WIZ: variants seen among roughly 807,000 people sequenced by gnomAD.
WIZ encodes the protein protein Wiz.
A neutral mutation model predicts 140.2 loss-of-function variants in WIZ; 25 were observed. The observed-to-expected ratio is 0.18, with a 90% CI of 0.13 to 0.25. WIZ has a LOEUF of 0.25. Among genes scored for constraint, WIZ ranks in the 10% least tolerant of loss-of-function variants. The probability of loss-of-function intolerance (pLI) is 1.00; values close to 1 mark genes in which losing one functional copy is unlikely to be tolerated. For synonymous variants in WIZ, 1,125 were observed against 1,154.3 expected (o/e 0.97, Z 0.51); for missense variants, 2,231 against 2,632.6 (o/e 0.85, Z 3.34).
At chr19:15,430,805 G>A (rs1033458623) in intron 6 of WIZ, among the ~76,000 whole-genome samples, 3 of 152,218 alleles carry the variant, frequency 2.0e-5, no homozygotes, top group Admixed American at 6.5e-5. Context: ...CCCTCGCCCC[G>A]TGAGGGTGCA....
chr19:15,447,172 G>A (rs1207912264), intron 2 of WIZ, among the ~76,000 whole-genome samples: 1 of 152,162 alleles, frequency 6.6e-6, no homozygotes, highest in Non-Finnish European at 1.5e-5. Flanking sequence ...TTTGGAGATG[G>A]GGGTGGGGGG....
Position 15,424,450 on chromosome 19 carries a change from T to C in WIZ, c.5315-72A>G, listed in dbSNP as rs1968585540. On this transcript the variant is annotated intron_variant, in intron 11 of 12. Coordinates refer to ENST00000673675, the MANE Select transcript of WIZ (RefSeq NM_001371589.1). The surrounding 1 kb of genome is among the most constrained non-coding windows in gnomAD (Gnocchi z 9.7). ...GCAGAGACTTGGAATACACAAGAGC[T>C]GAGGACTGATGCTACCTGGATGGGT... 1.9e-6 allele frequency: 3 copies of C among 1,552,130 alleles called. No individual in the cohort carries two copies. In the South Asian group the frequency reaches 3.5e-5, roughly 18 times the overall value.
At position 15,436,898 on chromosome 19, in the gene WIZ, C is replaced by A; in HGVS notation, c.2648G>T (p.Gly883Val). The A allele has an allele frequency of 4.3e-6, 7 of 1,612,734 alleles. No individual in the cohort carries two copies. The highest frequency in any genetic ancestry group is 5.9e-6 in the Non-Finnish European group (7 of 1,179,488). Residue 883 changes from glycine to valine, a missense_variant, in exon 5 of 13, where the codon GGC becomes GTC. By Grantham distance (109) the Gly-to-Val change is moderately radical. Around this residue, in one of 15 missense-constraint regions of WIZ, gnomAD observed 137 missense variants for 135.8 expected, o/e 1.01. Transcript: ENST00000673675. ...PLGREPGGPP[G>V]SFLTSRRPRL... ...GGGCCGACGGGAGGTCAGGAAGCTG[C>A]CAGGCGGACCCCCAGGCTCTCGGCC...
chr19:15,431,298 T>G, intron 5 of WIZ, 116 bp from the exon 6 acceptor site: 2 of 1,295,294 alleles, frequency 1.5e-6, no homozygotes, highest in Non-Finnish European at 2.0e-6. Context: ...GCGAAGCGAC[T>G]CACCCCAGGA....
intron 4 of WIZ, among the ~76,000 whole-genome samples, chr19:15,437,767 C>T (rs1969570554): frequency 6.6e-6 from 1 of 152,232 alleles, no homozygotes. Context: ...CATGATCACG[C>T]AAGTGCTGTA....
chr19:15,439,038 C>G lies in WIZ; in HGVS notation c.1956G>C (p.Gln652His). The G allele has an allele frequency of 6.7e-7, 1 of 1,498,384 alleles. No homozygotes were observed. Among genetic ancestry groups the G allele is most frequent in the Non-Finnish European group, 8.9e-7 (1 of 1,128,010 alleles). The allele number at this position is 1,498,384 out of a possible 1,614,324, so 92.8% of individuals were successfully genotyped here. The change falls in exon 4 of 13, where the codon CAG (glutamine) becomes CAC (histidine). Residue 652 changes from glutamine to histidine, a missense_variant. By Grantham distance (24) the Gln-to-His change is conservative (BLOSUM62 0). Transcript: ENST00000673675. The surrounding 1 kb of genome is among the most constrained non-coding windows in gnomAD (Gnocchi z 7.0). ...ATGCCTGCTTCAGCTCCAGGGCCGC[C>G]TGCGGGATGAGGCTGGGGGTGGCTA... ...SPLATPSLIP[Q>H]AALELKQAFR... is the part of the protein sequence containing the mutation.
At chr19:15,438,525 G>A in intron 4 of WIZ, 53 bp downstream of exon 4, 1 of 1,443,752 alleles carries the variant, frequency 6.9e-7, no homozygotes, top group Non-Finnish European at 9.1e-7. Context: ...TAGATCAACG[G>A]TGGGTTGCCC....
intron 2 of WIZ, among the ~76,000 whole-genome samples, chr19:15,443,666 T>C (rs1969820513): frequency 6.6e-6 from 1 of 152,208 alleles, no homozygotes; most frequent in African/African-American, 2.4e-5. Context: ...CACCTGGCTC[T>C]TTCTTGGGAT....
chr19:15,429,463 A>G (rs980207977), intron 7 of WIZ, 123 bp downstream of exon 7: 9 of 1,102,932 alleles, frequency 8.2e-6, no homozygotes, highest in African/African-American at 8.1e-5. Context: ...GGCCCAGGAC[A>G]TGGGAGCTGT....
At chr19:15,441,896 CT>C in intron 3 of WIZ, among the ~76,000 whole-genome samples, 1 of 152,060 alleles carries the variant, frequency 6.6e-6, no homozygotes, top group African/African-American at 2.4e-5. Context: ...GATAAACTTA[CT>C]ATGACCTGGC....
chr19:15,437,129 A>G lies in WIZ; in HGVS notation c.2417T>C (p.Val806Ala). The change falls in exon 5 of 13, where the codon GTG (valine) becomes GCG (alanine). Residue 806 changes from valine to alanine, a missense_variant and splice_region_variant. Physicochemically the swap from Val to Ala is moderately conservative, Grantham distance 64 (BLOSUM62 0). This residue lies in a region of WIZ where 118 missense variants were observed against 209.1 expected (regional missense o/e 0.56). Coordinates refer to ENST00000673675, the MANE Select transcript of WIZ (RefSeq NM_001371589.1). ...RFSFQKKKKK[V>A]ANFDPGTFSL... ...GAAGGTGCCTGGGTCAAAGTTGGCC[A>G]CTGTGGAGAGAGGACAGGACTGCCT... 1.3e-6 allele frequency: 2 copies of G among 1,592,318 alleles called. No homozygotes were observed. Among genetic ancestry groups the G allele is most frequent in the Non-Finnish European group, 8.5e-7 (1 of 1,170,116 alleles).
intron 5 of WIZ, chr19:15,432,507 C>CGGTGGCGGTGGT (rs1969320821): frequency 1.6e-6 from 1 of 640,074 alleles, no homozygotes; most frequent in Non-Finnish European, 1.9e-6. Flanking sequence ...GCGGCGGTGG[C>CGGTGGCGGTGGT]GGTGGCGGTG....
In WIZ at chr19:15,424,649, C is replaced by T. The variant is rs199936473; in HGVS notation, c.5278G>A (p.Val1760Met). 9.4e-4 allele frequency: 1,492 copies of T among 1,591,876 alleles called. 2 individuals are homozygous for T. Among genetic ancestry groups the T allele is most frequent in the Non-Finnish European group, 9.6e-4 (1,136 of 1,177,768 alleles). Residue 1760 changes from valine (V) to methionine (M), a missense_variant, in exon 11 of 13, where the codon GTG becomes ATG. Transcript: ENST00000673675. The surrounding 1 kb of genome is among the most constrained non-coding windows in gnomAD (Gnocchi z 9.7). ...RPLAASPPGT[V>M]KAEEHQRQNI... ...TGCCGCTGGTGCTCCTCAGCCTTCA[C>T]GGTGCCTGGCGGGCTGGCTGCCAGA...
In WIZ at chr19:15,440,853, G is replaced by T; in HGVS notation, c.279-138C>A. 1 of 818,354 alleles carries T rather than the reference G, an allele frequency of 1.2e-6. No individual in the cohort carries two copies. Among genetic ancestry groups the T allele is most frequent in the Non-Finnish European group, 1.9e-6 (1 of 540,264 alleles). The allele number at this position is 818,354 out of a possible 1,614,324, so 50.7% of individuals were successfully genotyped here. A position where few individuals can be genotyped will look rare whatever the true frequency, so the allele number is the denominator to read the frequency against. ...GAGGGTGACAGGGGTGTGGGGGTGA[G>T]GGTGGGAGGTAGGGGGAGTCCACGT... On this transcript the variant is annotated intron_variant, in intron 3 of 12. Coordinates refer to ENST00000673675, the MANE Select transcript of WIZ (RefSeq NM_001371589.1). This position sits in a 1 kb window ranked among gnomAD's most constrained non-coding sequence, Gnocchi z 6.2.
rs1230796934 is a variant in WIZ at position 15,428,117 on chromosome 19, G to A, written c.3807C>T (p.Leu1269=). 6.5e-7 allele frequency: 1 copy of A among 1,534,000 alleles called. No homozygotes were observed. Among genetic ancestry groups the A allele is most frequent in the Non-Finnish European group, 8.7e-7 (1 of 1,146,752 alleles). The stretch of plus-strand genomic sequence containing the variant: ...GCTGAAGCGAGAACCTACAGAGGTT[G>A]AGAGGAGACGGCTCCACATCAGAGG... The part of the protein sequence containing the change: ...FWASDVEPSP[L]NLSSGPEPAR... Residue 1269 remains leucine, a synonymous_variant, in exon 8 of 13, where the codon CTC becomes CTT. Transcript: ENST00000673675. The surrounding 1 kb of genome is among the most constrained non-coding windows in gnomAD (Gnocchi z 6.4).
chr19:15,425,647 C>G lies in WIZ; in HGVS notation c.4488G>C (p.Trp1496Cys). 1 of 1,613,626 alleles carries G rather than the reference C, an allele frequency of 6.2e-7. No individual in the cohort carries two copies. The highest frequency in any genetic ancestry group is 8.5e-7 in the Non-Finnish European group (1 of 1,179,954). ...TGTCGATGGGCGAACCATTGACGGA[C>G]CACTCGGTCACACCCATCTGCCGCA... ...SHLRQMGVTE[W>C]SVNGSPIDTL... Residue 1496 changes from tryptophan (W) to cysteine (C), a missense_variant, in exon 10 of 13, where the codon TGG (tryptophan) becomes TGC (cysteine). Coordinates refer to ENST00000673675, the MANE Select transcript of WIZ (RefSeq NM_001371589.1).
chr19:15,443,723 G>A (rs1969822014), intron 2 of WIZ, among the ~76,000 whole-genome samples: 1 of 152,208 alleles, frequency 6.6e-6, no homozygotes, highest in African/African-American at 2.4e-5. Context: ...AGTAGACCAG[G>A]TACTTTGTCG....
At position 15,424,777 on chromosome 19, in the gene WIZ, G is replaced by T; in HGVS notation, c.5150C>A (p.Pro1717Gln). 6.3e-7 allele frequency: 1 copy of T among 1,588,020 alleles called. No homozygotes were observed. The highest frequency in any genetic ancestry group is 8.6e-7 in the Non-Finnish European group (1 of 1,168,890). Residue 1717 changes from proline (P) to glutamine (Q), a missense_variant, in exon 11 of 13, where the codon CCG becomes CAG. Pro to Gln is a moderately conservative substitution (Grantham distance 76, BLOSUM62 -1). This residue lies in a region of WIZ where 299 missense variants were observed against 309.6 expected (regional missense o/e 0.97). Transcript: ENST00000673675. The surrounding 1 kb of genome is among the most constrained non-coding windows in gnomAD (Gnocchi z 9.7). ...GCCCCCGGGTGCCAGCCCCAGGGAC[G>T]GCCGCTTGTCACTGTCACGGCCATG... is the stretch of plus-strand genomic sequence containing the variant. ...AGHGRDSDKR[P>Q]SLGLAPGGLA...
rs377759694 is a variant in WIZ, at chr19:15,424,584, C to T, written c.5314+29G>A. ...GTGGGCCTGACAGGTGCCCGCTGCG[C>T]TCCCGACCCTCCTCCACCAAGCACT... On this transcript the variant is annotated intron_variant, in intron 11 of 12. Coordinates refer to ENST00000673675, the MANE Select transcript of WIZ (RefSeq NM_001371589.1). The surrounding 1 kb of genome is among the most constrained non-coding windows in gnomAD (Gnocchi z 9.7). The T allele has an allele frequency of 1.8e-5, 28 of 1,567,894 alleles. No homozygotes were observed. The African/African-American group carries it at 3.7e-4, about 21-fold the overall frequency.
Sources: gnomAD v4.1 joint callset for allele counts (sites outside exome capture counted in the v4.1 genomes callset) on GRCh38, gnomAD v4.1.1 for gene constraint, gnomAD v4.1.1 regional missense constraint, Gnocchi (gnomAD v3.1) non-coding constraint, MANE v1.5 for transcripts, NCBI Gene and HGNC (gene_info 2026-07-23, HGNC 2026-07-21) for gene names.